Variants in ASAP1 observed in about 807,000 individuals in gnomAD.
The protein encoded by ASAP1 is arf-GAP with SH3 domain, ANK repeat and PH domain-containing protein 1.
A neutral mutation model predicts 145.2 loss-of-function variants in ASAP1; 43 were observed. That is an observed-to-expected ratio of 0.30 (90% CI 0.23 to 0.38). The LOEUF (loss-of-function observed/expected upper bound fraction) is 0.38, where lower values mean the gene tolerates loss of function less well. Ranked by LOEUF, ASAP1 falls within the 10% of genes least tolerant of loss-of-function variation. The pLI is 1.00. For synonymous variants in ASAP1, 546 were observed against 515.5 expected (o/e 1.06, Z -0.80); for missense variants, 1,018 against 1,355.3 (o/e 0.75, Z 3.91).
At chr8:130,194,696 C>T (rs1432256666) in intron 5 of ASAP1, among the ~76,000 whole-genome samples, 1 of 152,114 alleles carries the variant, frequency 6.6e-6, no homozygotes, top group African/African-American at 2.4e-5. Flanking sequence ...AAAGAGTGTT[C>T]AACCTAAGTC....
intron 1 of ASAP1, among the ~76,000 whole-genome samples, chr8:130,422,831 G>C (rs1428947569): frequency 6.6e-6 from 1 of 152,226 alleles, no homozygotes; most frequent in Admixed American, 6.5e-5. Context: ...CAGTAAGCAG[G>C]CTGAAGCCTC....
chr8:130,301,190 T>C (rs1022643677), intron 3 of ASAP1, among the ~76,000 whole-genome samples: 1 of 152,204 alleles, frequency 6.6e-6, no homozygotes, highest in Non-Finnish European at 1.5e-5. Context: ...GCATAACCCA[T>C]TAGGCTACCT....
At chr8:130,269,046 C>T (rs563905491) in intron 3 of ASAP1, among the ~76,000 whole-genome samples, 5 of 152,270 alleles carry the variant, frequency 3.3e-5, no homozygotes, top group South Asian at 2.1e-4. Flanking sequence ...TTATTGGCCT[C>T]CATAAGGCAT....
At chr8:130,192,692 C>A (rs1043107403) in intron 5 of ASAP1, among the ~76,000 whole-genome samples, 1 of 152,142 alleles carries the variant, frequency 6.6e-6, no homozygotes, top group African/African-American at 2.4e-5. Context: ...ACTTACCATC[C>A]CTACCCATTT....
At chr8:130,157,111 A>G (rs1465232581) in intron 12 of ASAP1, among the ~76,000 whole-genome samples, 1 of 152,254 alleles carries the variant, frequency 6.6e-6, no homozygotes, top group African/African-American at 2.4e-5. Context: ...ACAGATGGTC[A>G]GGGAAGAACA....
intron 24 of ASAP1, among the ~76,000 whole-genome samples, chr8:130,110,338 G>A (rs1024262547): frequency 1.3e-5 from 2 of 152,170 alleles, no homozygotes. Context: ...GGTCCCCACT[G>A]CTATGTTGGT....
At chr8:130,287,799 G>A (rs1463829535) in intron 3 of ASAP1, among the ~76,000 whole-genome samples, 1 of 152,096 alleles carries the variant, frequency 6.6e-6, no homozygotes, top group Middle Eastern at 3.2e-3. Context: ...ACGCTCAGAG[G>A]GCTGTGTTTG....
chr8:130,134,029 G>C (rs1484518757), intron 15 of ASAP1, among the ~76,000 whole-genome samples: 1 of 152,206 alleles, frequency 6.6e-6, no homozygotes, highest in Non-Finnish European at 1.5e-5. Flanking sequence ...TTATGAAGAG[G>C]CCGCGGGCAA....
At chr8:130,075,199 C>T (rs1165118529) in intron 27 of ASAP1, among the ~76,000 whole-genome samples, 1 of 152,118 alleles carries the variant, frequency 6.6e-6, no homozygotes, top group Non-Finnish European at 1.5e-5. Flanking sequence ...CAAAACAGCC[C>T]GTTGGGCAGA....
chr8:130,219,383 G>A (rs575291351), intron 4 of ASAP1, among the ~76,000 whole-genome samples: 1 of 152,152 alleles, frequency 6.6e-6, no homozygotes, highest in South Asian at 2.1e-4. Context: ...CAAGGGCAAC[G>A]GCAGAAGGGA....
intron 13 of ASAP1, among the ~76,000 whole-genome samples, chr8:130,142,328 T>C (rs1173897268): frequency 6.6e-6 from 1 of 152,208 alleles, no homozygotes; most frequent in Non-Finnish European, 1.5e-5. Context: ...CAGTAAGGGT[T>C]AGAGGTCAAT....
intron 22 of ASAP1, among the ~76,000 whole-genome samples, chr8:130,116,002 T>C (rs2097555240): frequency 6.6e-6 from 1 of 152,214 alleles, no homozygotes; most frequent in African/African-American, 2.4e-5. Context: ...GCCTCAAACT[T>C]GCAAATTCCT....
chr8:130,143,803 T>A (rs1441115662), intron 13 of ASAP1, among the ~76,000 whole-genome samples: 2 of 152,242 alleles, frequency 1.3e-5, no homozygotes, highest in African/African-American at 4.8e-5. Context: ...GGTTCCAGTG[T>A]TTTTGCTGGA....
In ASAP1 at chr8:130,148,969, T is replaced by G. The variant is rs2097639736; in HGVS notation, c.1080+3767A>C. ...CCCACTTCACAGCCTCCCAAGTAGC[T>G]GGGAATACAGGTGTGCACCATCATG... On this transcript the variant is annotated intron_variant, in intron 13 of 29. Transcript: ENST00000518721. 2.6e-5 allele frequency among the ~76,000 whole-genome samples: 4 copies of G among 151,504 alleles called. No homozygotes were observed. In the South Asian group the frequency reaches 6.3e-4, roughly 24 times the overall value.
chr8:130,429,089 A>G (rs1830050207), intron 1 of ASAP1, among the ~76,000 whole-genome samples: 1 of 152,132 alleles, frequency 6.6e-6, no homozygotes, highest in African/African-American at 2.4e-5. Flanking sequence ...GTGCCTTGAC[A>G]TCGTCTTCCC....
chr8:130,315,598 T>C (rs538115123), intron 3 of ASAP1, among the ~76,000 whole-genome samples: 1 of 152,318 alleles, frequency 6.6e-6, no homozygotes, highest in Admixed American at 6.5e-5. Context: ...AGACCACTTG[T>C]TGCTTCCCAG....
At chr8:130,371,967 G>T (rs2138293340) in intron 2 of ASAP1, among the ~76,000 whole-genome samples, 1 of 152,318 alleles carries the variant, frequency 6.6e-6, no homozygotes, top group Admixed American at 6.5e-5. Context: ...GTGGTCAAAT[G>T]AGAAGCATTC....
chr8:130,362,300 C>T (rs1157693604), intron 2 of ASAP1, among the ~76,000 whole-genome samples: 1 of 152,156 alleles, frequency 6.6e-6, no homozygotes, highest in South Asian at 2.1e-4. Flanking sequence ...GAGCTTTGAT[C>T]CACAGTGTTA....
rs538164332 is a variant in ASAP1 at position 130,185,667 on chromosome 8, T to C, written c.530+1569A>G. 4.3e-5 allele frequency among the ~76,000 whole-genome samples: 6 copies of C among 138,280 alleles called. No individual in the cohort carries two copies. In the East Asian group the frequency reaches 1.3e-3, roughly 29 times the overall value. The allele number at this position is 138,280 out of a possible 152,430, so 90.7% of individuals were successfully genotyped here. A position where few individuals can be genotyped will look rare whatever the true frequency, so the allele number is the denominator to read the frequency against. Reference sequence around the variant, plus strand: ...TCGCTTGAACCCAGGAGGCAGAGGCTGCAGTGAGACGAGATTGAGCCACTG... The same window carrying C: ...TCGCTTGAACCCAGGAGGCAGAGGCCGCAGTGAGACGAGATTGAGCCACTG... On this transcript the variant is annotated intron_variant, in intron 7 of 29. Coordinates refer to ENST00000518721, the MANE Select transcript of ASAP1 (RefSeq NM_018482.4).
Sources: allele counts gnomAD v4.1 joint callset (sites outside exome capture counted in the v4.1 genomes callset), GRCh38; gene constraint gnomAD v4.1.1; transcripts MANE v1.5; gene names NCBI Gene and HGNC (gene_info 2026-07-23, HGNC 2026-07-21).